ALKBH3: variants seen among roughly 807,000 people sequenced by gnomAD.
The protein encoded by ALKBH3 is alkB homolog 3, alpha-ketoglutarate dependent dioxygenase.
Under a neutral mutation model 43.9 loss-of-function variants are expected in ALKBH3, and 51 were observed. That is an observed-to-expected ratio of 1.16 (90% CI 0.93 to 1.47). ALKBH3 has a LOEUF of 1.47. ALKBH3 is among the 40% of genes most tolerant of loss of function. ALKBH3 has a pLI of 0.00. For missense variants in ALKBH3, 361 were observed against 351.9 expected (o/e 1.03, Z -0.21); for synonymous variants, 102 against 115.2 (o/e 0.89, Z 0.73).
intron 8 of ALKBH3, among the ~76,000 whole-genome samples, chr11:43,906,990 T>C (rs1951900261): frequency 6.6e-6 from 1 of 152,198 alleles, no homozygotes; most frequent in Non-Finnish European, 1.5e-5. Context: ...TGGTAGATGC[T>C]ATGGTGACTT....
At chr11:43,893,838 C>CTTTTTTT (rs1351869949) in intron 7 of ALKBH3, among the ~76,000 whole-genome samples, 3 of 152,138 alleles carry the variant, frequency 2.0e-5, no homozygotes, top group African/African-American at 7.2e-5. Context: ...CATTTATATA[C>CTTTTTTT]TGTCTTGAAC....
In ALKBH3 at chr11:43,886,486, C is replaced by T. The variant is rs1411440712; in HGVS notation, c.219-120C>T. The stretch of plus-strand genomic sequence containing the variant: ...AGAAGAAGGTGGGGATTATGCCTCT[C>T]TCATAACTAAATGACTTTGGTGAGC... On this transcript the variant is annotated intron_variant, in intron 4 of 9. Coordinates refer to ENST00000302708, the MANE Select transcript of ALKBH3 (RefSeq NM_139178.4). 14 of 874,884 alleles carry T rather than the reference C, an allele frequency of 1.6e-5. No homozygotes were observed. The Admixed American group carries it at 2.4e-4, about 15-fold the overall frequency. 54.2% of individuals were successfully genotyped at this position (874,884 alleles called of 1,614,324 possible). A position where few individuals can be genotyped will look rare whatever the true frequency, so the allele number is the denominator to read the frequency against.
Position 43,884,023 on chromosome 11 carries a change from T to C in ALKBH3, c.218+6T>C. On this transcript the variant is annotated splice_donor_region_variant and intron_variant, in intron 4 of 9. Coordinates refer to ENST00000302708, the MANE Select transcript of ALKBH3 (RefSeq NM_139178.4). ...CCTGAGCCACGAGTGATTGAGTAAG[T>C]AATTTGCTGTCTTCCTGTAATTGTT... 1 of 1,613,914 alleles carries C rather than the reference T, an allele frequency of 6.2e-7. No individual in the cohort carries two copies. Among genetic ancestry groups the C allele is most frequent in the Admixed American group, 1.7e-5 (1 of 59,996 alleles).
intron 7 of ALKBH3, 129 bp from the exon 8 acceptor site, chr11:43,901,387 G>A (rs1365087187): frequency 1.1e-6 from 1 of 921,370 alleles, no homozygotes; most frequent in Admixed American, 2.5e-5. Context: ...TGCATTCCAT[G>A]TGGTTTGCTT....
At chr11:43,900,669 T>C (rs887533132) in intron 7 of ALKBH3, among the ~76,000 whole-genome samples, 2 of 152,210 alleles carry the variant, frequency 1.3e-5, no homozygotes, top group Non-Finnish European at 2.9e-5. Flanking sequence ...TGAGAACCAC[T>C]GTTCTAAAGG....
intron 7 of ALKBH3, chr11:43,898,148 A>G: frequency 1.7e-6 from 2 of 1,208,974 alleles, no homozygotes; most frequent in Non-Finnish European, 2.5e-6. Flanking sequence ...AACAAACTAG[A>G]TGCTGACTAC....
intron 8 of ALKBH3, among the ~76,000 whole-genome samples, chr11:43,905,635 G>T (rs1337767639): frequency 6.6e-6 from 1 of 152,078 alleles, no homozygotes; most frequent in Non-Finnish European, 1.5e-5. Flanking sequence ...TAAGTGAAGG[G>T]CACCTTATCT....
intron 8 of ALKBH3, chr11:43,916,645 A>G (rs2135208109): frequency 6.6e-6 from 1 of 152,342 alleles, no homozygotes; most frequent in South Asian, 2.1e-4. Flanking sequence ...ATGACTAGGA[A>G]GGCACTCTTC....
chr11:43,882,234 C>T (rs944606484), intron 1 of ALKBH3, among the ~76,000 whole-genome samples: 3 of 152,174 alleles, frequency 2.0e-5, no homozygotes, highest in Non-Finnish European at 4.4e-5. Flanking sequence ...GCCGATTTCT[C>T]AATGTCCATG....
intron 8 of ALKBH3, among the ~76,000 whole-genome samples, chr11:43,914,217 G>T (rs1951964419): frequency 6.6e-6 from 1 of 152,154 alleles, no homozygotes; most frequent in Non-Finnish European, 1.5e-5. Flanking sequence ...TTTAGAGCCG[G>T]GCCAATCTAC....
chr11:43,895,230 C>T (rs1181490527), intron 7 of ALKBH3, among the ~76,000 whole-genome samples: 2 of 152,170 alleles, frequency 1.3e-5, no homozygotes, highest in Non-Finnish European at 2.9e-5. Flanking sequence ...TTGGCTGTGT[C>T]CCCACGCAAG....
At chr11:43,892,876 T>C (rs936809307) in intron 7 of ALKBH3, among the ~76,000 whole-genome samples, 4 of 152,226 alleles carry the variant, frequency 2.6e-5, no homozygotes, top group Non-Finnish European at 4.4e-5. Flanking sequence ...ACCACTTTAC[T>C]AAAATTTCAG....
At chr11:43,913,911 A>G (rs915395317) in intron 8 of ALKBH3, among the ~76,000 whole-genome samples, 1 of 152,216 alleles carries the variant, frequency 6.6e-6, no homozygotes, top group African/African-American at 2.4e-5. Flanking sequence ...TCACATAAAA[A>G]TCCCACTTGT....
intron 8 of ALKBH3, among the ~76,000 whole-genome samples, chr11:43,902,422 A>T (rs1479171897): frequency 1.3e-5 from 2 of 152,360 alleles, no homozygotes; most frequent in Middle Eastern, 3.4e-3. Context: ...TTAATTTTTT[A>T]AAAAATCAAA....
chr11:43,898,155 C>G, intron 7 of ALKBH3: 3 of 1,221,070 alleles, frequency 2.5e-6, no homozygotes, highest in Non-Finnish European at 3.6e-6. Context: ...TAGATGCTGA[C>G]TACATCAAGA....
rs574606970 is a variant in ALKBH3 at position 43,898,197 on chromosome 11, G to A, written c.460-3319G>A. ...TGGGCGATTTGACTCCGCTGCAGGAGAGCTGTCTCATTAGACTTCACGGGT... is the reference window on the plus strand; with the variant it reads ...TGGGCGATTTGACTCCGCTGCAGGAAAGCTGTCTCATTAGACTTCACGGGT... On this transcript the variant is annotated intron_variant, in intron 7 of 9. Transcript: ENST00000302708. 4.3e-5 allele frequency: 52 copies of A among 1,200,412 alleles called. 1 individual carries two copies. In the African/African-American group the frequency reaches 7.6e-4, roughly 18 times the overall value. The allele number at this position is 1,200,412 out of a possible 1,614,324, so 74.4% of individuals were successfully genotyped here. A position where few individuals can be genotyped will look rare whatever the true frequency, so the allele number is the denominator to read the frequency against.
chr11:43,882,895 G>T (rs189200529), intron 2 of ALKBH3, 164 bp downstream of exon 2: 313 of 899,412 alleles, frequency 3.5e-4, no homozygotes, highest in Non-Finnish European at 4.8e-4. Flanking sequence ...GTGAGCTAAG[G>T]GTGGGTCTTT....
intron 8 of ALKBH3, among the ~76,000 whole-genome samples, chr11:43,913,033 A>T (rs1156535795): frequency 2.0e-5 from 3 of 151,294 alleles, no homozygotes; most frequent in East Asian, 1.9e-4. Flanking sequence ...GGTTCAAATC[A>T]CATATTTACA....
intron 7 of ALKBH3, among the ~76,000 whole-genome samples, chr11:43,892,371 C>T (rs1255470692): frequency 6.6e-6 from 1 of 152,168 alleles, no homozygotes; most frequent in Non-Finnish European, 1.5e-5. Context: ...ACTATTTCTT[C>T]TCCTAATATC....
Sources: gnomAD v4.1 joint callset for allele counts (sites outside exome capture counted in the v4.1 genomes callset) on GRCh38, gnomAD v4.1.1 for gene constraint, MANE v1.5 for transcripts, NCBI Gene and HGNC (gene_info 2026-07-23, HGNC 2026-07-21) for gene names.